Variants in CDH18 observed in about 807,000 individuals in gnomAD.
The protein encoded by CDH18 is cadherin 18, also known as cadherin-18.
A neutral mutation model predicts 67.9 loss-of-function variants in CDH18; 31 were observed. The ratio of observed to expected loss-of-function variants is 0.46; its 90% CI spans 0.34 to 0.62. The LOEUF (loss-of-function observed/expected upper bound fraction) is 0.62, where lower values mean the gene tolerates loss of function less well. Ranked by LOEUF, CDH18 falls within the 20% of genes least tolerant of loss-of-function variation. The pLI is 0.01. For missense variants in CDH18, 890 were observed against 975.5 expected, an observed-to-expected ratio of 0.91 and a Z score of 1.17; for synonymous variants, 362 against 347.2, an observed-to-expected ratio of 1.04 and a Z score of -0.48.
chr5:20,547,740 A>C (rs1757420444), intron 1 of CDH18, among the ~76,000 whole-genome samples: 1 of 152,142 alleles, frequency 6.6e-6, no homozygotes, highest in Non-Finnish European at 1.5e-5. Flanking sequence ...TGCCTGCTAC[A>C]AAGATTCACT....
intron 3 of CDH18, among the ~76,000 whole-genome samples, chr5:19,758,393 C>T (rs772118909): frequency 2.6e-5 from 4 of 152,234 alleles, no homozygotes; most frequent in Admixed American, 6.5e-5. Flanking sequence ...GAGGCCTCCA[C>T]TGTGATTCAC....
intron 1 of CDH18, among the ~76,000 whole-genome samples, chr5:20,262,208 A>G (rs1215036161): frequency 6.6e-6 from 1 of 152,246 alleles, no homozygotes; most frequent in Non-Finnish European, 1.5e-5. Context: ...TAAATGGGAA[A>G]CCATAAATTG....
intron 5 of CDH18, among the ~76,000 whole-genome samples, chr5:19,718,699 T>A (rs1330344781): frequency 6.6e-6 from 1 of 151,994 alleles, no homozygotes; most frequent in Non-Finnish European, 1.5e-5. Flanking sequence ...AGGACAGATA[T>A]CCATAGGTTC....
chr5:19,535,727 GA>G (rs1200227626), intron 9 of CDH18, among the ~76,000 whole-genome samples: 1 of 152,282 alleles, frequency 6.6e-6, no homozygotes, highest in African/African-American at 2.4e-5. Context: ...GTCCACAAGT[GA>G]AAAAGAGAGC....
chr5:19,637,799 A>C (rs1362134521), intron 5 of CDH18, among the ~76,000 whole-genome samples: 1 of 152,020 alleles, frequency 6.6e-6, no homozygotes, highest in Admixed American at 6.5e-5. Flanking sequence ...TTGGATATAA[A>C]TTCCCAATTT....
intron 10 of CDH18, among the ~76,000 whole-genome samples, chr5:19,504,945 T>A (rs1408640128): frequency 6.6e-6 from 1 of 152,152 alleles, no homozygotes; most frequent in Non-Finnish European, 1.5e-5. Context: ...ACTATACATT[T>A]CAGTTAGTAT....
At chr5:20,425,424 GAAAGA>G (rs1365595157) in intron 1 of CDH18, among the ~76,000 whole-genome samples, 2 of 150,380 alleles carry the variant, frequency 1.3e-5, no homozygotes, top group Admixed American at 1.3e-4. Flanking sequence ...ACAAAAAAAA[GAAAGA>G]AAAGAAAGAT....
At chr5:19,480,269 T>G (rs1739178170) in intron 12 of CDH18, among the ~76,000 whole-genome samples, 1 of 152,094 alleles carries the variant, frequency 6.6e-6, no homozygotes, top group African/African-American at 2.4e-5. Flanking sequence ...TGTGCTCTTC[T>G]TCTTTTCAAA....
chr5:20,106,481 A>G (rs1326148784), intron 2 of CDH18, among the ~76,000 whole-genome samples: 1 of 152,220 alleles, frequency 6.6e-6, no homozygotes, highest in Non-Finnish European at 1.5e-5. Flanking sequence ...CAGAACTAAC[A>G]AATGACACCT....
intron 2 of CDH18, among the ~76,000 whole-genome samples, chr5:20,159,281 C>T (rs916638354): frequency 6.6e-6 from 1 of 152,024 alleles, no homozygotes; most frequent in Non-Finnish European, 1.5e-5. Context: ...GATGCTAATG[C>T]GTCTTTTAAA....
At chr5:20,119,868 G>A (rs568962938) in intron 2 of CDH18, among the ~76,000 whole-genome samples, 3 of 151,880 alleles carry the variant, frequency 2.0e-5, no homozygotes, top group African/African-American at 4.8e-5. Context: ...GCATCTAATT[G>A]TAGTTATATA....
intron 1 of CDH18, among the ~76,000 whole-genome samples, chr5:20,501,209 C>A (rs1179518212): frequency 2.0e-5 from 3 of 151,640 alleles, no homozygotes; most frequent in Admixed American, 6.6e-5. Flanking sequence ...CTAGCTTTAG[C>A]AACATGTAAA....
rs548659635 is a variant in CDH18, at chr5:19,719,875, A to G, written c.643+1472T>C. On this transcript the variant is annotated intron_variant, in intron 5 of 12. Transcript: ENST00000382275. ...AAAGAGAGAAAGAAAGAAAAGAGAG[A>G]GAGAGAAAGAAAGAAAGAGTTAAGC... is the stretch of plus-strand genomic sequence containing the variant. 6.0e-5 allele frequency among the ~76,000 whole-genome samples: 9 copies of G among 150,964 alleles called. No individual in the cohort carries two copies. The Admixed American group carries it at 6.0e-4, about 10-fold the overall frequency.
intron 4 of CDH18, among the ~76,000 whole-genome samples, chr5:19,740,401 A>G (rs944569149): frequency 1.3e-5 from 2 of 152,148 alleles, no homozygotes; most frequent in Non-Finnish European, 2.9e-5. Context: ...AATGACTGCA[A>G]TAGAAACAAA....
chr5:20,251,192 T>A (rs1393963583), intron 2 of CDH18, among the ~76,000 whole-genome samples: 3 of 152,160 alleles, frequency 2.0e-5, no homozygotes, highest in Non-Finnish European at 4.4e-5. Flanking sequence ...GACTTAGGGA[T>A]GGTGCTGTAA....
chr5:20,233,678 A>G (rs1407072113), intron 2 of CDH18, among the ~76,000 whole-genome samples: 1 of 152,004 alleles, frequency 6.6e-6, no homozygotes, highest in Admixed American at 6.6e-5. Context: ...TTAAGAATGA[A>G]TTTATTTTCT....
At chr5:20,137,967 G>C (rs1253525283) in intron 2 of CDH18, among the ~76,000 whole-genome samples, 2 of 152,018 alleles carry the variant, frequency 1.3e-5, no homozygotes, top group Non-Finnish European at 2.9e-5. Flanking sequence ...CATTTTATGA[G>C]GCCAGCATCA....
At chr5:19,814,837 G>C (rs984563031) in intron 3 of CDH18, among the ~76,000 whole-genome samples, 2 of 135,478 alleles carry the variant, frequency 1.5e-5, no homozygotes, top group African/African-American at 5.4e-5. Context: ...CTCTGGTTTA[G>C]CAAAATTGTT....
chr5:20,483,394 G>A (rs4566799), intron 1 of CDH18, among the ~76,000 whole-genome samples: 3 of 151,628 alleles, frequency 2.0e-5, no homozygotes, highest in Middle Eastern at 3.4e-3. Flanking sequence ...ACAATAATGC[G>A]TTTCACAGAA....
Sources: gnomAD v4.1 joint callset for allele counts (sites outside exome capture counted in the v4.1 genomes callset) on GRCh38, gnomAD v4.1.1 for gene constraint, MANE v1.5 for transcripts, NCBI Gene and HGNC (gene_info 2026-07-23, HGNC 2026-07-21) for gene names.